The following BACH2 variants were observed in gnomAD, a reference collection of about 807,000 sequenced individuals.
The protein encoded by BACH2 is BACH transcriptional regulator 2, also known as transcription regulator protein BACH2.
A neutral mutation model predicts 61.8 loss-of-function variants in BACH2; 5 were observed. That is an observed-to-expected ratio of 0.08 (90% CI 0.04 to 0.17). BACH2 has a LOEUF of 0.17. BACH2 is among the 10% of genes least tolerant of loss of function. The pLI is 1.00. For synonymous variants in BACH2, 446 were observed against 440.1 expected (o/e 1.01, Z -0.17); for missense variants, 824 against 1,091.1 (o/e 0.76, Z 3.45).
chr6:90,135,852 C>T (rs1278659427), intron 4 of BACH2, among the ~76,000 whole-genome samples: 3 of 152,286 alleles, frequency 2.0e-5, no homozygotes, highest in Non-Finnish European at 2.9e-5. Context: ...TCATGGCTGG[C>T]GGAATGTGGA....
intron 8 of BACH2, among the ~76,000 whole-genome samples, chr6:89,934,970 C>A (rs1314847379): frequency 1.3e-5 from 2 of 152,000 alleles, no homozygotes; most frequent in African/African-American, 4.8e-5. Flanking sequence ...GGAAAGGGCA[C>A]CTCCTAAAAT....
intron 6 of BACH2, among the ~76,000 whole-genome samples, chr6:89,972,433 C>T (rs1297628243): frequency 6.6e-6 from 1 of 152,008 alleles, no homozygotes; most frequent in African/African-American, 2.4e-5. Flanking sequence ...AGACTGAGAA[C>T]GACTAAAAAA....
At chr6:90,262,431 T>C (rs1472809921) in intron 2 of BACH2, among the ~76,000 whole-genome samples, 2 of 152,148 alleles carry the variant, frequency 1.3e-5, no homozygotes, top group East Asian at 1.9e-4. Context: ...GTGGCTGTTG[T>C]GTTGTTAGTA....
Position 89,931,390 on chromosome 6 carries a change from T to G in BACH2, c.*1018A>C, listed in dbSNP as rs2128351981. 6.5e-6 allele frequency: 1 copy of G among 152,902 alleles called. No homozygotes were observed. Among genetic ancestry groups the G allele is most frequent in the Non-Finnish European group, 1.5e-5 (1 of 68,038 alleles). 9.5% of individuals were successfully genotyped at this position (152,902 alleles called of 1,614,324 possible). ...ACACATCCTAGGATGAATTCATTAT[T>G]TGGCAAGATTGTTTTTCCTACATAA... On this transcript the variant is annotated 3_prime_UTR_variant, in exon 9 of 9. Coordinates refer to ENST00000257749, the MANE Select transcript of BACH2 (RefSeq NM_021813.4).
At chr6:90,016,017 C>T (rs973597233) in intron 5 of BACH2, among the ~76,000 whole-genome samples, 5 of 152,034 alleles carry the variant, frequency 3.3e-5, no homozygotes, top group Non-Finnish European at 7.4e-5. Context: ...ATGAAGTCAC[C>T]TTTTAATTCC....
chr6:89,942,333 G>A (rs188581527), intron 7 of BACH2, among the ~76,000 whole-genome samples: 401 of 152,246 alleles, frequency 2.6e-3, no homozygotes, highest in African/African-American at 9.1e-3. Context: ...CCAGGCTCTC[G>A]GCACTCAAAA....
chr6:89,987,340 G>A (rs1776298262), intron 6 of BACH2, among the ~76,000 whole-genome samples: 1 of 152,120 alleles, frequency 6.6e-6, no homozygotes, highest in Non-Finnish European at 1.5e-5. Flanking sequence ...AGCGAGTCAC[G>A]CCTCTGCTCT....
At chr6:90,002,366 T>C (rs1433017740) in intron 6 of BACH2, among the ~76,000 whole-genome samples, 2 of 152,226 alleles carry the variant, frequency 1.3e-5, no homozygotes, top group African/African-American at 4.8e-5. Context: ...ATTCTGGTAT[T>C]ACAATTTTTA....
Position 89,987,757 on chromosome 6 carries a change from TA to T in BACH2, c.243+20844del, listed in dbSNP as rs1389279299. On this transcript the variant is annotated intron_variant, in intron 6 of 8. Transcript: ENST00000257749. ...TGAAGAGGTACCTATGCCATTATTA[TA>T]AAAAAAAAATTCCAAATTGGATGGG... Among the ~76,000 whole-genome samples, 8 of 149,930 alleles carry T rather than the reference TA, an allele frequency of 5.3e-5. 1 individual carries two copies. In the East Asian group the frequency reaches 9.7e-4, roughly 18 times the overall value.
In BACH2 at chr6:89,950,502, C is replaced by T. The variant is rs756431093; in HGVS notation, c.1604G>A (p.Gly535Asp). The change falls in exon 7 of 9, where the codon GGC (glycine) becomes GAC (aspartate). Residue 535 changes from glycine (G) to aspartate (D), a missense_variant. By Grantham distance (94) the Gly-to-Asp change is moderately conservative. Around this residue, in one of 8 missense-constraint regions of BACH2, gnomAD observed 160 missense variants for 283.5 expected, o/e 0.56. Coordinates refer to ENST00000257749, the MANE Select transcript of BACH2 (RefSeq NM_021813.4). The surrounding 1 kb of genome is among the most constrained non-coding windows in gnomAD (Gnocchi z 5.3). ...ACAGAGAGGGAGGCTGCAGGGTGAG[C>T]CCCCGCTCCCGTCCTCCGCGTAGGA... is the stretch of plus-strand genomic sequence containing the variant. ...SYSYAEDGSG[G>D]SPCSLPLCEF... 9.3e-6 allele frequency: 15 copies of T among 1,613,800 alleles called. No homozygotes were observed. The highest frequency in any genetic ancestry group is 1.3e-5 in the Non-Finnish European group (15 of 1,179,878).
At chr6:90,218,221 TG>T (rs1769605410) in intron 3 of BACH2, 1 of 152,236 alleles carries the variant, frequency 6.6e-6, no homozygotes, top group Non-Finnish European at 1.5e-5. Context: ...AACCCAACGC[TG>T]TCAACAGTGT....
rs1772437727 is a variant in BACH2, at chr6:89,927,889, T to C, written c.*4519A>G. On this transcript the variant is annotated 3_prime_UTR_variant, in exon 9 of 9. Transcript: ENST00000257749. The stretch of plus-strand genomic sequence containing the variant: ...ACACACTATTTGTGTACAGATATGT[T>C]CTGTTCTACAGCATCGGTTTTGGAC... 6.6e-6 allele frequency: 1 copy of C among 152,620 alleles called. No individual in the cohort carries two copies. Among genetic ancestry groups the C allele is most frequent in the Middle Eastern group, 3.2e-3 (1 of 316 alleles). The allele number at this position is 152,620 out of a possible 1,614,324, so 9.5% of individuals were successfully genotyped here.
rs376173544 is a variant in BACH2, at chr6:90,070,959, G to A, written c.-13+18002C>T. On this transcript the variant is annotated intron_variant, in intron 5 of 8. Coordinates refer to ENST00000257749, the MANE Select transcript of BACH2 (RefSeq NM_021813.4). ...GTTCATAAAGCACTCAAGTTTGTTT[G>A]TTTTCCTTTTCTTTCCTTTGTTTTT... Among the ~76,000 whole-genome samples the A allele has an allele frequency of 4.6e-5, 7 of 152,212 alleles. No homozygotes were observed. The East Asian group carries it at 1.2e-3, about 25-fold the overall frequency.
At chr6:89,936,264 G>A (rs936527951) in intron 8 of BACH2, among the ~76,000 whole-genome samples, 15 of 152,100 alleles carry the variant, frequency 9.9e-5, no homozygotes, top group African/African-American at 3.6e-4. Flanking sequence ...CAGCCTAACT[G>A]GGGACTCAGG....
intron 6 of BACH2, among the ~76,000 whole-genome samples, chr6:89,964,461 A>G (rs891375299): frequency 7.2e-5 from 11 of 152,236 alleles, no homozygotes; most frequent in Non-Finnish European, 1.5e-4. Context: ...TTTTAAAATC[A>G]CAATAAAAAA....
intron 3 of BACH2, among the ~76,000 whole-genome samples, chr6:90,248,476 A>C (rs1770705648): frequency 6.6e-6 from 1 of 152,220 alleles, no homozygotes; most frequent in South Asian, 2.1e-4. Context: ...ATATGAAATT[A>C]AAATTCTAAT....
rs116384830 is a variant in BACH2 at position 90,071,267 on chromosome 6, G to A, written c.-13+17694C>T. ...CATGAGACCTCTTTTGTCACAGTTA[G>A]GATAATGTTAACTTTTTCAGCAGCC... On this transcript the variant is annotated intron_variant, in intron 5 of 8. Coordinates refer to ENST00000257749, the MANE Select transcript of BACH2 (RefSeq NM_021813.4). Among the ~76,000 whole-genome samples, 539 of 152,314 alleles carry A rather than the reference G, an allele frequency of 3.5e-3. 6 individuals carry two copies. Among genetic ancestry groups the A allele is most frequent in the African/African-American group, 0.012 (508 of 41,568 alleles).
intron 5 of BACH2, among the ~76,000 whole-genome samples, chr6:90,057,431 T>C (rs948439057): frequency 1.2e-3 from 178 of 152,244 alleles, no homozygotes; most frequent in African/African-American, 3.9e-3. Flanking sequence ...AGGAACAAGT[T>C]GAATCTCTGA....
At chr6:90,247,244 TTC>T (rs202142073) in intron 3 of BACH2, among the ~76,000 whole-genome samples, 5 of 151,414 alleles carry the variant, frequency 3.3e-5, no homozygotes, top group African/African-American at 9.7e-5. Flanking sequence ...TTTCTTCTTC[TTC>T]TTTTTTTTTT....
Sources: allele counts gnomAD v4.1 joint callset (sites outside exome capture counted in the v4.1 genomes callset), GRCh38; gene constraint gnomAD v4.1.1; regional missense constraint gnomAD v4.1.1; non-coding constraint Gnocchi (gnomAD v3.1); transcripts MANE v1.5; gene names NCBI Gene and HGNC (gene_info 2026-07-23, HGNC 2026-07-21).